Variants in MVB12B observed in about 807,000 individuals in gnomAD.
MVB12B encodes the protein multivesicular body subunit 12B.
In MVB12B, 16 loss-of-function variants were observed where a neutral mutation model predicts 41.6. That is an observed-to-expected ratio of 0.38 (90% CI 0.26 to 0.58). MVB12B has a LOEUF of 0.58. Ranked by LOEUF, MVB12B falls within the 20% of genes least tolerant of loss-of-function variation. MVB12B has a pLI of 0.62. For missense variants in MVB12B, 274 were observed against 380.2 expected (o/e 0.72, Z 2.32); for synonymous variants, 133 against 139.7 (o/e 0.95, Z 0.34).
Position 126,396,669 on chromosome 9 carries a change from G to A in MVB12B, c.662+972G>A, listed in dbSNP as rs1366785720. The A allele has an allele frequency of 3.0e-6, 3 of 985,312 alleles. No homozygotes were observed. In the Admixed American group the frequency reaches 1.8e-4, roughly 61 times the overall value. The allele number at this position is 985,312 out of a possible 1,614,324, so 61.0% of individuals were successfully genotyped here. On this transcript the variant is annotated intron_variant, in intron 6 of 9. Transcript: ENST00000361171. Reference sequence around the variant, plus strand: ...GAATGTGCTGTAATGAGGCTCCAAAGCCCTGAGGACTCTGTCCTCTGGGAC... The same window carrying A: ...GAATGTGCTGTAATGAGGCTCCAAAACCCTGAGGACTCTGTCCTCTGGGAC...
At chr9:126,399,968 A>G (rs1048543329) in intron 6 of MVB12B, among the ~76,000 whole-genome samples, 1 of 152,174 alleles carries the variant, frequency 6.6e-6, no homozygotes, top group Non-Finnish European at 1.5e-5. Context: ...ATCACACAGG[A>G]GCCAAACTGA....
chr9:126,386,525 A>G lies in MVB12B; in HGVS notation c.313-37A>G, dbSNP rs758035435. The G allele has an allele frequency of 3.5e-5, 53 of 1,525,558 alleles. No homozygotes were observed. The highest frequency in any genetic ancestry group is 3.2e-5 in the Non-Finnish European group (35 of 1,100,524). The allele number at this position is 1,525,558 out of a possible 1,614,324, so 94.5% of individuals were successfully genotyped here. A position where few individuals can be genotyped will look rare whatever the true frequency, so the allele number is the denominator to read the frequency against. On this transcript the variant is annotated intron_variant, in intron 3 of 9. Transcript: ENST00000361171. The surrounding 1 kb of genome is among the most constrained non-coding windows in gnomAD (Gnocchi z 4.3). ...TGGCAAACCCACCACATGCATGTTC[A>G]GATTAATAGTCTGTATCTCTTTTCT...
At chr9:126,496,349 TCACTCATGCACCTGCCCATC>T (rs1230744824) in intron 9 of MVB12B, among the ~76,000 whole-genome samples, 1 of 130,722 alleles carries the variant, frequency 7.6e-6, no homozygotes, top group Non-Finnish European at 1.6e-5. Flanking sequence ...ATTAACCCAT[TCACTCATGCACCTGCCCATC>T]CACTCAGCCA....
At chr9:126,492,256 T>C (rs1247711008) in intron 9 of MVB12B, among the ~76,000 whole-genome samples, 1 of 150,382 alleles carries the variant, frequency 6.6e-6, no homozygotes, top group Non-Finnish European at 1.5e-5. Context: ...TGACTATATG[T>C]TGTTCCCTTT....
intron 9 of MVB12B, among the ~76,000 whole-genome samples, chr9:126,487,289 G>A (rs1273205103): frequency 6.6e-6 from 1 of 152,216 alleles, no homozygotes; most frequent in African/African-American, 2.4e-5. Flanking sequence ...GGCTGCCACT[G>A]TCATCACAGC....
chr9:126,398,694 A>G (rs1336881177), intron 6 of MVB12B, among the ~76,000 whole-genome samples: 2 of 152,116 alleles, frequency 1.3e-5, no homozygotes, highest in Non-Finnish European at 2.9e-5. Context: ...GGTGGCGGGG[A>G]ATGCGGTTCT....
At position 126,395,497 on chromosome 9, in the gene MVB12B, AT is replaced by A; in HGVS notation, c.540-77del. On this transcript the variant is annotated intron_variant, in intron 5 of 9. Transcript: ENST00000361171. This position sits in a 1 kb window ranked among gnomAD's most constrained non-coding sequence, Gnocchi z 4.9. ...GTGTTTGAGGCCATGACTCTTTTAA[AT>A]GAATTGGTTTGCTTTGTCACTCAGG... 6.5e-7 allele frequency: 1 copy of A among 1,543,604 alleles called. No individual in the cohort carries two copies.
At chr9:126,474,076 C>T (rs4836544) in intron 7 of MVB12B, among the ~76,000 whole-genome samples, 134,253 of 152,124 alleles carry the variant, frequency 0.88, 59,411 homozygotes, top group East Asian at 1. Context: ...GGGTAGGTGC[C>T]GTCCCTGCAT....
chr9:126,502,989 G>C (rs116914703), intron 9 of MVB12B, among the ~76,000 whole-genome samples, 188 bp from the exon 10 acceptor site: 2 of 152,194 alleles, frequency 1.3e-5, no homozygotes, highest in Non-Finnish European at 1.5e-5. Context: ...ACGCACACAC[G>C]CCACATGCAC....
At chr9:126,370,525 G>A (rs1228162249) in intron 2 of MVB12B, among the ~76,000 whole-genome samples, 3 of 151,866 alleles carry the variant, frequency 2.0e-5, no homozygotes, top group Non-Finnish European at 4.4e-5. Context: ...GGGATTGCAG[G>A]CGCCCACCAC....
At chr9:126,454,318 G>C (rs1832937809) in intron 7 of MVB12B, among the ~76,000 whole-genome samples, 1 of 152,196 alleles carries the variant, frequency 6.6e-6, no homozygotes, top group South Asian at 2.1e-4. Context: ...TGCTGCACCA[G>C]CTCACAACCA....
intron 7 of MVB12B, among the ~76,000 whole-genome samples, chr9:126,470,539 G>A (rs1833289489): frequency 6.6e-6 from 1 of 152,124 alleles, no homozygotes; most frequent in African/African-American, 2.4e-5. Flanking sequence ...TGGGGGGGCT[G>A]GTGGCCCTAG....
chr9:126,395,551 G>A lies in MVB12B; in HGVS notation c.540-24G>A. On this transcript the variant is annotated intron_variant, in intron 5 of 9. Transcript: ENST00000361171. This position sits in a 1 kb window ranked among gnomAD's most constrained non-coding sequence, Gnocchi z 4.9. ...AATGCTTTGTGCTAACCAGAGCCAT[G>A]AAGATTTCTCTTTTTTCCTAAAGGG... is the stretch of plus-strand genomic sequence containing the variant. 6.2e-7 allele frequency: 1 copy of A among 1,613,896 alleles called. No individual in the cohort carries two copies. Among genetic ancestry groups the A allele is most frequent in the South Asian group, 1.1e-5 (1 of 91,032 alleles).
chr9:126,490,202 G>T (rs1302338953), intron 9 of MVB12B, among the ~76,000 whole-genome samples: 3 of 152,144 alleles, frequency 2.0e-5, no homozygotes, highest in Non-Finnish European at 4.4e-5. Context: ...ACCAGGGTGG[G>T]AGCTGCCTGG....
intron 8 of MVB12B, among the ~76,000 whole-genome samples, chr9:126,481,728 TG>T (rs1299951679): frequency 6.6e-6 from 1 of 152,218 alleles, no homozygotes; most frequent in Non-Finnish European, 1.5e-5. Flanking sequence ...AGCAAGAGGC[TG>T]TCAGACAAGC....
chr9:126,412,355 C>T (rs1428659549), intron 6 of MVB12B, among the ~76,000 whole-genome samples: 1 of 152,180 alleles, frequency 6.6e-6, no homozygotes, highest in Non-Finnish European at 1.5e-5. Context: ...TGTTCTTCTT[C>T]CCCTTCCTAT....
chr9:126,396,990 T>C, intron 6 of MVB12B: 1 of 985,604 alleles, frequency 1.0e-6, no homozygotes, highest in Non-Finnish European at 1.2e-6. Context: ...CACTGTCTCC[T>C]GTGCTCAAGG....
chr9:126,375,363 C>CTTTTTTTTTTTTTTTTT (rs35585049), intron 2 of MVB12B, among the ~76,000 whole-genome samples: 1 of 105,210 alleles, frequency 9.5e-6, no homozygotes, highest in Non-Finnish European at 1.8e-5. Context: ...TAAATTGATT[C>CTTTTTTTTTTTTTTTTT]TTTTTTTTTT....
intron 9 of MVB12B, among the ~76,000 whole-genome samples, chr9:126,500,739 G>A (rs1588217130): frequency 6.6e-6 from 1 of 152,318 alleles, no homozygotes; most frequent in Admixed American, 6.5e-5. Flanking sequence ...GCAGGCATGT[G>A]TGCCCGTGGC....
Sources: allele counts gnomAD v4.1 joint callset (sites outside exome capture counted in the v4.1 genomes callset), GRCh38; gene constraint gnomAD v4.1.1; non-coding constraint Gnocchi (gnomAD v3.1); transcripts MANE v1.5; gene names NCBI Gene and HGNC (gene_info 2026-07-23, HGNC 2026-07-21).